Variants in SAMD12 observed in about 807,000 individuals in gnomAD.
SAMD12 encodes sterile alpha motif domain containing 12.
Under a neutral mutation model 15.0 loss-of-function variants are expected in SAMD12, and 9 were observed. That is an observed-to-expected ratio of 0.60 (90% confidence interval 0.36 to 1.05). The LOEUF (loss-of-function observed/expected upper bound fraction) is 1.05. Among genes scored for constraint, SAMD12 ranks in the 50% least tolerant of loss-of-function variants. The pLI, the probability that SAMD12 is intolerant of heterozygous loss-of-function variation, is 0.01. For missense variants in SAMD12, 230 were observed against 234.2 expected, an observed-to-expected ratio of 0.98 and a Z score of 0.12; for synonymous variants, 86 against 90.1, an observed-to-expected ratio of 0.96 and a Z score of 0.25.
chr8:118,530,182 G>A (rs1218711302), intron 2 of SAMD12, among the ~76,000 whole-genome samples: 2 of 152,150 alleles, frequency 1.3e-5, no homozygotes, highest in Non-Finnish European at 2.9e-5. Flanking sequence ...TTTGAGAAGT[G>A]TCTGTTCATG....
At chr8:118,485,628 C>G (rs373085904) in intron 2 of SAMD12, among the ~76,000 whole-genome samples, 4 of 152,086 alleles carry the variant, frequency 2.6e-5, no homozygotes, top group African/African-American at 4.8e-5. Flanking sequence ...CAGCTAGCAA[C>G]ATTTAAAGAA....
intron 2 of SAMD12, 139 bp downstream of exon 2, chr8:118,580,576 T>A (rs974898023): frequency 1.6e-6 from 1 of 606,374 alleles, no homozygotes; most frequent in East Asian, 2.7e-5. Context: ...TAATTATTTA[T>A]CCGCAAGATA....
At chr8:118,473,498 T>C (rs1490800637) in intron 2 of SAMD12, among the ~76,000 whole-genome samples, 1 of 152,182 alleles carries the variant, frequency 6.6e-6, no homozygotes, top group Non-Finnish European at 1.5e-5. Flanking sequence ...ACTGATGTTT[T>C]CACCAATCTT....
At chr8:118,394,846 G>A (rs1462717324) in intron 3 of SAMD12, 1 of 152,210 alleles carries the variant, frequency 6.6e-6, no homozygotes, top group African/African-American at 2.4e-5. Flanking sequence ...AGGAAGTCGA[G>A]CTCATACCAT....
chr8:118,433,552 C>T (rs1822485008), intron 3 of SAMD12, among the ~76,000 whole-genome samples: 1 of 151,972 alleles, frequency 6.6e-6, no homozygotes, highest in African/African-American at 2.4e-5. Context: ...AGAAATAATT[C>T]ATGTATATTA....
At chr8:118,603,113 T>C (rs1392851489) in intron 1 of SAMD12, among the ~76,000 whole-genome samples, 1 of 151,262 alleles carries the variant, frequency 6.6e-6, no homozygotes, top group Non-Finnish European at 1.5e-5. Context: ...AGATGAAAAA[T>C]AGCAAACATA....
At chr8:118,533,332 T>C (rs1458571227) in intron 2 of SAMD12, among the ~76,000 whole-genome samples, 2 of 152,164 alleles carry the variant, frequency 1.3e-5, no homozygotes, top group African/African-American at 4.8e-5. Context: ...TGTTCTTTTA[T>C]ATTTGCTGAG....
At chr8:118,393,400 A>T (rs979765573) in intron 3 of SAMD12, among the ~76,000 whole-genome samples, 1 of 150,680 alleles carries the variant, frequency 6.6e-6, no homozygotes, top group African/African-American at 2.4e-5. Flanking sequence ...ATATATATAT[A>T]TATTTTGATT....
chr8:118,302,888 T>C (rs1009520900), intron 4 of SAMD12, among the ~76,000 whole-genome samples: 1 of 152,194 alleles, frequency 6.6e-6, no homozygotes, highest in Admixed American at 6.5e-5. Flanking sequence ...CAAAAAATTA[T>C]AGTGAAATTC....
chr8:118,275,803 A>T (rs557782816), intron 4 of SAMD12, among the ~76,000 whole-genome samples: 4 of 152,206 alleles, frequency 2.6e-5, no homozygotes, highest in Non-Finnish European at 4.4e-5. Flanking sequence ...AAGTGAGAGC[A>T]TGTGATATTT....
intron 4 of SAMD12, among the ~76,000 whole-genome samples, chr8:118,318,355 T>TATATATACACAC (rs1554630371): frequency 1.8e-5 from 2 of 110,830 alleles, no homozygotes; most frequent in East Asian, 2.6e-4. Flanking sequence ...TATATATATA[T>TATATATACACAC]ACATATATAC....
At chr8:118,578,021 C>T (rs1827194250) in intron 2 of SAMD12, among the ~76,000 whole-genome samples, 1 of 152,166 alleles carries the variant, frequency 6.6e-6, no homozygotes, top group African/African-American at 2.4e-5. Flanking sequence ...GTAATTTTAA[C>T]TTCAGATAGA....
rs534611071 is a variant in SAMD12 at position 118,435,223 on chromosome 8, A to G, written c.322+4609T>C. On this transcript the variant is annotated intron_variant, in intron 3 of 3. Transcript: ENST00000314727. ...TTACCTGTGGTCAATTGTGGTCTGA[A>G]AAGTAGATGAGTACAGTACAATATG... Among the ~76,000 whole-genome samples, 3 of 152,306 alleles carry G rather than the reference A, an allele frequency of 2.0e-5. No homozygotes were observed. The East Asian group carries it at 5.8e-4, about 29-fold the overall frequency.
At chr8:118,522,950 A>G (rs1036685014) in intron 2 of SAMD12, among the ~76,000 whole-genome samples, 1 of 152,174 alleles carries the variant, frequency 6.6e-6, no homozygotes, top group African/African-American at 2.4e-5. Flanking sequence ...TAAAATACAC[A>G]ATGTTCCAGG....
intron 2 of SAMD12, among the ~76,000 whole-genome samples, chr8:118,527,332 C>T (rs1184529137): frequency 3.9e-5 from 6 of 152,196 alleles, no homozygotes; most frequent in Non-Finnish European, 8.8e-5. Context: ...AAAGTGTAGA[C>T]ACCAACTGTG....
intron 4 of SAMD12, among the ~76,000 whole-genome samples, chr8:118,348,654 G>A (rs1817796545): frequency 2.0e-5 from 3 of 152,188 alleles, no homozygotes; most frequent in Non-Finnish European, 4.4e-5. Context: ...TTACAGGCGT[G>A]AGCCACCGCA....
intron 4 of SAMD12, among the ~76,000 whole-genome samples, chr8:118,358,309 GCT>G (rs1489267964): frequency 4.6e-5 from 7 of 152,206 alleles, no homozygotes; most frequent in Admixed American, 3.9e-4. Flanking sequence ...ACTTAGAGCT[GCT>G]CTTTGTATTT....
At chr8:118,159,857 T>C in the SAMD12 span, among the ~76,000 whole-genome samples, 1 of 151,966 alleles carries the variant, frequency 6.6e-6, no homozygotes, top group Non-Finnish European at 1.5e-5. Flanking sequence ...GTAGCTGGGA[T>C]TACAGGTGCT....
chr8:118,238,762 A>T (rs1031448103), intron 4 of SAMD12, among the ~76,000 whole-genome samples: 1 of 152,148 alleles, frequency 6.6e-6, no homozygotes, highest in Admixed American at 6.6e-5. Context: ...TCCTTTTAGA[A>T]ATGAGGCCAT....
Sources: allele counts gnomAD v4.1 joint callset (sites outside exome capture counted in the v4.1 genomes callset), GRCh38; gene constraint gnomAD v4.1.1; transcripts MANE v1.5; gene names NCBI Gene and HGNC (gene_info 2026-07-23, HGNC 2026-07-21).